Variants in IL22RA1 observed in about 807,000 individuals in gnomAD.
IL22RA1 encodes the protein interleukin 22 receptor subunit alpha 1.
A neutral mutation model predicts 32.8 loss-of-function variants in IL22RA1; 25 were observed. The observed-to-expected ratio is 0.76, with a 90% CI of 0.55 to 1.06. IL22RA1 has a LOEUF of 1.06. IL22RA1 is among the 50% of genes least tolerant of loss of function. The probability of loss-of-function intolerance (pLI) is 0.00; values close to 1 mark genes in which losing one functional copy is unlikely to be tolerated. For missense variants in IL22RA1, 709 were observed against 727.4 expected, an observed-to-expected ratio of 0.97 and a Z score of 0.29; for synonymous variants, 305 against 305.0, an observed-to-expected ratio of 1.00 and a Z score of 0.00.
chr1:24,124,632 G>T (rs1644148970), intron 5 of IL22RA1, among the ~76,000 whole-genome samples: 1 of 152,148 alleles, frequency 6.6e-6, no homozygotes, highest in Admixed American at 6.5e-5. Context: ...CCCCTGTGCA[G>T]CCTCAGCTTG....
chr1:24,138,690 T>G lies in IL22RA1; in HGVS notation c.68A>C (p.Asp23Ala). The change falls in exon 2 of 7, where the codon GAT becomes GCT. Residue 23 changes from aspartate (D) to alanine (A), a missense_variant. By Grantham distance (126) the Asp-to-Ala change is moderately radical. Transcript: ENST00000270800. ...LAAHAPEDPS[D>A]LLQHVKFQSS... The stretch of plus-strand genomic sequence containing the variant: ...CTGGAATTTCACGTGCTGGAGCAGA[T>G]CCGAGGGGTCCTCAGGGGCGTGAGC... 6.2e-7 allele frequency: 1 copy of G among 1,614,160 alleles called. No individual in the cohort carries two copies. Among genetic ancestry groups the G allele is most frequent in the Non-Finnish European group, 8.5e-7 (1 of 1,180,024 alleles).
intron 2 of IL22RA1, 21 bp from the exon 3 acceptor site, chr1:24,137,330 A>G: frequency 6.2e-7 from 1 of 1,608,824 alleles, no homozygotes; most frequent in Non-Finnish European, 8.5e-7. Context: ...GGAAGGGGCC[A>G]AGTCACCGTG....
At chr1:24,128,322 G>T (rs41268129) in intron 4 of IL22RA1, 43 bp from the exon 5 acceptor site, 1 of 1,611,122 alleles carries the variant, frequency 6.2e-7, no homozygotes, top group Non-Finnish European at 8.5e-7. Flanking sequence ...GTTACACACC[G>T]ATCTCCACAT....
At position 24,120,872 on chromosome 1, in the gene IL22RA1, A is replaced by G. The variant is rs761916023; in HGVS notation, c.1658T>C (p.Leu553Pro). 6.2e-7 allele frequency: 1 copy of G among 1,614,200 alleles called. No individual in the cohort carries two copies. Residue 553 changes from leucine to proline, a missense_variant, in exon 7 of 7, where the codon CTG becomes CCG. Transcript: ENST00000270800. ...AGAATCCAGTTCTGTGGGCTGCTCC[A>G]GGTCTGAGGTCTCAGGGGCTGGGCT... ...AKSPAPETSD[L>P]EQPTELDSLF...
At chr1:24,129,358 A>G (rs1644187061) in intron 4 of IL22RA1, among the ~76,000 whole-genome samples, 1 of 152,226 alleles carries the variant, frequency 6.6e-6, no homozygotes, top group African/African-American at 2.4e-5. Context: ...AGAGTTTCTG[A>G]TGGGCCCTGC....
intron 2 of IL22RA1, 95 bp from the exon 3 acceptor site, chr1:24,137,404 C>G: frequency 3.4e-6 from 4 of 1,174,328 alleles, no homozygotes; most frequent in Non-Finnish European, 3.7e-6. Context: ...CTGATATTTA[C>G]TTAGCACGTT....
chr1:24,121,036 G>A lies in IL22RA1; in HGVS notation c.1494C>T (p.Leu498=). Residue 498 remains leucine (L), a synonymous_variant, in exon 7 of 7, where the codon CTC becomes CTT. Transcript: ENST00000270800. ...TPQYLKGQLP[L]LSSVQIEGHP... is the part of the protein sequence containing the mutation. ...GGCCCTCGATCTGGACTGAGGAGAG[G>A]AGGGGGAGCTGGCCCTTTAGGTACT... 6.2e-7 allele frequency: 1 copy of A among 1,614,226 alleles called. No homozygotes were observed. The highest frequency in any genetic ancestry group is 8.5e-7 in the Non-Finnish European group (1 of 1,180,026).
intron 4 of IL22RA1, among the ~76,000 whole-genome samples, chr1:24,128,506 C>T (rs1644180706): frequency 6.8e-6 from 1 of 147,726 alleles, no homozygotes; most frequent in East Asian, 2.0e-4. Flanking sequence ...AGTGGTTATA[C>T]ACACTATATA....
intron 5 of IL22RA1, among the ~76,000 whole-genome samples, chr1:24,124,912 T>C (rs545753202): frequency 2.9e-4 from 44 of 152,336 alleles, no homozygotes; most frequent in African/African-American, 9.9e-4. Context: ...TGGAATGGTC[T>C]CTGGCTTGAC....
chr1:24,135,179 CA>C (rs1644233868), intron 3 of IL22RA1, among the ~76,000 whole-genome samples: 1 of 152,170 alleles, frequency 6.6e-6, no homozygotes. Context: ...GATTATTTTG[CA>C]CTGTGAAATA....
At chr1:24,139,409 T>C (rs1444310778) in intron 1 of IL22RA1, among the ~76,000 whole-genome samples, 1 of 152,264 alleles carries the variant, frequency 6.6e-6, no homozygotes, top group African/African-American at 2.4e-5. Context: ...GTGTTCAATT[T>C]TATAAGTGGA....
At position 24,143,044 on chromosome 1, in the gene IL22RA1, C is replaced by G. The variant is rs370638891; in HGVS notation, c.39G>C (p.Leu13=). Residue 13 remains leucine, a synonymous_variant, in exon 1 of 7, where the codon CTG becomes CTC. Coordinates refer to ENST00000270800, the MANE Select transcript of IL22RA1 (RefSeq NM_021258.4). ...TLLTILTVGS[L]AAHAPEDPSD... ...ACAGGGTAGATGGGCACTCACCAGCCAGGGATCCCACAGTCAAGATGGTCA... is the reference window on the plus strand; with the variant it reads ...ACAGGGTAGATGGGCACTCACCAGCGAGGGATCCCACAGTCAAGATGGTCA... 1.0e-4 allele frequency: 169 copies of G among 1,613,172 alleles called. No homozygotes were observed. Among genetic ancestry groups the G allele is most frequent in the Non-Finnish European group, 1.4e-4 (163 of 1,179,730 alleles).
intron 3 of IL22RA1, among the ~76,000 whole-genome samples, chr1:24,136,534 G>A (rs528771071): frequency 7.9e-4 from 120 of 152,242 alleles, no homozygotes; most frequent in African/African-American, 2.8e-3. Context: ...GAGCCGTGAG[G>A]ACTATAAAAG....
At chr1:24,134,697 C>T (rs1325263137) in intron 3 of IL22RA1, among the ~76,000 whole-genome samples, 1 of 152,126 alleles carries the variant, frequency 6.6e-6, no homozygotes, top group African/African-American at 2.4e-5. Context: ...TGCGTCCCCA[C>T]CTTAAGTCAG....
chr1:24,137,446 C>T (rs1243165517), intron 2 of IL22RA1, 137 bp from the exon 3 acceptor site: 2 of 672,338 alleles, frequency 3.0e-6, no homozygotes, highest in African/African-American at 1.8e-5. Context: ...CGAATGATCT[C>T]ATTTTGTTCT....
At chr1:24,143,015 G>C in intron 1 of IL22RA1, 25 bp downstream of exon 1, 1 of 1,610,008 alleles carries the variant, frequency 6.2e-7, no homozygotes, top group Non-Finnish European at 8.5e-7. Flanking sequence ...AGGGAGGTCT[G>C]ACCACAGGGT....
chr1:24,121,601 C>T lies in IL22RA1; in HGVS notation c.929G>A (p.Arg310Lys). ...QYSQIRVSGP[R>K]EPAGAPQRHS... Reference sequence around the variant, plus strand: ...CCGCTGTGGAGCTCCTGCGGGCTCCCTGGGTCCAGACACCCTGATCTGGGA... The same window carrying T: ...CCGCTGTGGAGCTCCTGCGGGCTCCTTGGGTCCAGACACCCTGATCTGGGA... Residue 310 changes from arginine (R) to lysine (K), a missense_variant, in exon 7 of 7, where the codon AGG becomes AAG. Transcript: ENST00000270800. The T allele has an allele frequency of 1.2e-6, 2 of 1,612,978 alleles. No individual in the cohort carries two copies. The highest frequency in any genetic ancestry group is 2.2e-5 in the South Asian group (2 of 90,982).
At chr1:24,134,664 T>C (rs1306774245) in intron 3 of IL22RA1, among the ~76,000 whole-genome samples, 2 of 152,174 alleles carry the variant, frequency 1.3e-5, no homozygotes, top group Non-Finnish European at 2.9e-5. Context: ...GCCTTTGGCT[T>C]GCCCCCACAC....
chr1:24,142,517 C>T (rs1644288540), intron 1 of IL22RA1, among the ~76,000 whole-genome samples: 2 of 152,222 alleles, frequency 1.3e-5, no homozygotes, highest in African/African-American at 4.8e-5. Context: ...GACCTGGCCA[C>T]TCTAGGAGAA....
Sources: allele counts gnomAD v4.1 joint callset (sites outside exome capture counted in the v4.1 genomes callset), GRCh38; gene constraint gnomAD v4.1.1; transcripts MANE v1.5; gene names NCBI Gene and HGNC (gene_info 2026-07-23, HGNC 2026-07-21).